SLCO4A1: variants seen among roughly 807,000 people sequenced by gnomAD.
SLCO4A1 encodes colon organic anion transporter.
In SLCO4A1, 51 loss-of-function variants were observed where a neutral mutation model predicts 64.6. That is an observed-to-expected ratio of 0.79 (90% CI 0.63 to 1.00). SLCO4A1 has a LOEUF of 1.00. SLCO4A1 is among the 50% of genes least tolerant of loss of function. The probability of loss-of-function intolerance (pLI) is 0.00; values close to 1 mark genes in which losing one functional copy is unlikely to be tolerated. For synonymous variants in SLCO4A1, 471 were observed against 444.9 expected (o/e 1.06, Z -0.74); for missense variants, 919 against 980.5 (o/e 0.94, Z 0.84).
chr20:62,690,039 G>C (rs1408504572), downstream of SLCO4A1, among the ~76,000 whole-genome samples: 4 of 152,158 alleles, frequency 2.6e-5, no homozygotes, highest in African/African-American at 9.7e-5. Context: ...CGCCTGCGCG[G>C]CAGGTGAACG....
chr20:62,656,582 C>G lies in SLCO4A1; in HGVS notation c.128C>G (p.Ser43Cys), dbSNP rs1437123681. The change falls in exon 2 of 12, where the codon TCC becomes TGC. Residue 43 changes from serine (S) to cysteine (C), a missense_variant. Ser to Cys is a moderately radical substitution (Grantham distance 112). Coordinates refer to ENST00000217159, the MANE Select transcript of SLCO4A1 (RefSeq NM_016354.4). The part of the protein sequence containing the change: ...ASPGTPLSPG[S>C]LRSAAHSPLD... Reference sequence around the variant, plus strand: ...CCGGGCACACCCCTGAGCCCCGGCTCCCTCCGCTCCGCTGCCCATAGCCCC... The same window carrying G: ...CCGGGCACACCCCTGAGCCCCGGCTGCCTCCGCTCCGCTGCCCATAGCCCC... 1 of 1,591,430 alleles carries G rather than the reference C, an allele frequency of 6.3e-7. No homozygotes were observed. Among genetic ancestry groups the G allele is most frequent in the Non-Finnish European group, 8.5e-7 (1 of 1,172,500 alleles).
intron 1 of SLCO4A1, chr20:62,643,186 A>G: frequency 2.9e-6 from 1 of 350,622 alleles, no homozygotes. Flanking sequence ...TCCCTGCCCC[A>G]CCACGCGACG....
chr20:62,665,287 C>T (rs2147095648), intron 6 of SLCO4A1, 199 bp downstream of exon 6: 2 of 581,464 alleles, frequency 3.4e-6, no homozygotes, highest in Middle Eastern at 4.5e-4. Context: ...GTGGTCCTGC[C>T]CTCTTTGTGG....
At chr20:62,682,444 CAT>C (rs1294391904) in intron 2 of SLCO4A1, among the ~76,000 whole-genome samples, 3 of 152,216 alleles carry the variant, frequency 2.0e-5, no homozygotes, top group African/African-American at 7.2e-5. Flanking sequence ...CATTTGGACA[CAT>C]GAGTGTGGAG....
chr20:62,660,432 G>A lies in SLCO4A1; in HGVS notation c.908G>A (p.Ser303Asn). Reference sequence around the variant, plus strand: ...CACAGGACGGAGCTGACCACCGAGAGCCCACTGTGGGTCGGCGCCTGGTGG... The same window carrying A: ...CACAGGACGGAGCTGACCACCGAGAACCCACTGTGGGTCGGCGCCTGGTGG... ...MGRRTELTTE[S>N]PLWVGAWWVG... Residue 303 changes from serine (S) to asparagine (N), a missense_variant, in exon 4 of 12, where the codon AGC becomes AAC. Ser to Asn is a conservative substitution (Grantham distance 46). Coordinates refer to ENST00000217159, the MANE Select transcript of SLCO4A1 (RefSeq NM_016354.4). 1.9e-6 allele frequency: 3 copies of A among 1,600,054 alleles called. No homozygotes were observed. Among genetic ancestry groups the A allele is most frequent in the South Asian group, 2.2e-5 (2 of 91,064 alleles).
downstream of SLCO4A1, among the ~76,000 whole-genome samples, chr20:62,687,279 T>C (rs1988099119): frequency 1.3e-5 from 2 of 151,086 alleles, no homozygotes; most frequent in Non-Finnish European, 2.9e-5. Flanking sequence ...GTTCCAAAGG[T>C]CCATGAAGTT....
In SLCO4A1 at chr20:62,655,366, G is replaced by C. The variant is rs112810029; in HGVS notation, c.-96-993G>C. On this transcript the variant is annotated intron_variant, in intron 1 of 11. Coordinates refer to ENST00000217159, the MANE Select transcript of SLCO4A1 (RefSeq NM_016354.4). ...GCCCCGGGAAGGACCCTCCCAGGGC[G>C]GGGGCGGCACAGGTGTTCCGCATCA... is the stretch of plus-strand genomic sequence containing the variant. 2.7e-3 allele frequency among the ~76,000 whole-genome samples: 396 copies of C among 149,322 alleles called. 10 individuals carry two copies. The highest frequency in any genetic ancestry group is 9.9e-3 in the African/African-American group (386 of 39,086).
At chr20:62,663,599 T>G (rs1985488926) in intron 5 of SLCO4A1, 1 of 152,236 alleles carries the variant, frequency 6.6e-6, no homozygotes, top group African/African-American at 2.4e-5. Context: ...AGGAACAGTC[T>G]CTGCCCCTGG....
Position 62,665,021 on chromosome 20 carries a change from C to T in SLCO4A1, c.1209C>T (p.Ser403=), listed in dbSNP as rs148452830. The part of the protein sequence containing the change: ...ATEATLITGM[S]TFSPKFLESQ... ...AGGCCACTCTCATCACCGGCATGTC[C>T]ACGTTCAGCCCCAAGTTCTTGGAGT... is the stretch of plus-strand genomic sequence containing the variant. Residue 403 remains serine (S), a synonymous_variant, in exon 6 of 12, where the codon TCC becomes TCT. Transcript: ENST00000217159. 1.9e-6 allele frequency: 3 copies of T among 1,613,866 alleles called. No homozygotes were observed. The highest frequency in any genetic ancestry group is 2.5e-6 in the Non-Finnish European group (3 of 1,179,946).
chr20:62,671,328 C>T (rs185374627), intron 11 of SLCO4A1, among the ~76,000 whole-genome samples: 541 of 152,308 alleles, frequency 3.6e-3, no homozygotes, highest in South Asian at 0.011. Context: ...TGGCCTTTCC[C>T]TCTGTCCCTG....
At position 62,642,506 on chromosome 20, in the gene SLCO4A1, G is replaced by T. The variant is rs145796842; in HGVS notation, c.-144G>T. On this transcript the variant is annotated 5_prime_UTR_variant, in exon 1 of 12. Transcript: ENST00000217159. ...GCGCGTGGCTGCCGGGGAGGCCAGA[G>T]CGTGGAGCGCTGCGCGGCGCGGCGG... 37 of 228,836 alleles carry T rather than the reference G, an allele frequency of 1.6e-4. 1 individual carries two copies. The highest frequency in any genetic ancestry group is 1.7e-3 in the Middle Eastern group (1 of 574). The allele number at this position is 228,836 out of a possible 1,614,324, so 14.2% of individuals were successfully genotyped here.
rs981531617 is a variant in SLCO4A1 at position 62,666,514 on chromosome 20, G to C, written c.1411G>C (p.Val471Leu). 1.9e-6 allele frequency: 3 copies of C among 1,613,310 alleles called. No homozygotes were observed. Among genetic ancestry groups the C allele is most frequent in the Non-Finnish European group, 2.5e-6 (3 of 1,179,992 alleles). ...CGTTGTCAGCCTGCTGGGCATCCTCGTCTTCTCACTGCACTGCCCCAGTGT... is the reference window on the plus strand; with the variant it reads ...CGTTGTCAGCCTGCTGGGCATCCTCCTCTTCTCACTGCACTGCCCCAGTGT... The part of the protein sequence containing the change: ...CTVVSLLGIL[V>L]FSLHCPSVPM... Residue 471 changes from valine to leucine, a missense_variant, in exon 7 of 12, where the codon GTC becomes CTC. By Grantham distance (32) the Val-to-Leu change is conservative (BLOSUM62 1). Transcript: ENST00000217159.
chr20:62,679,134 G>A (rs1410227316), intron 2 of SLCO4A1, among the ~76,000 whole-genome samples: 3 of 151,962 alleles, frequency 2.0e-5, no homozygotes, highest in African/African-American at 4.8e-5. Flanking sequence ...AAGCTGGGAG[G>A]CAAAGGCTGC....
At chr20:62,660,572 G>A in intron 4 of SLCO4A1, 39 bp downstream of exon 4, 1 of 1,599,774 alleles carries the variant, frequency 6.3e-7, no homozygotes, top group South Asian at 1.1e-5. Flanking sequence ...CACATTGGGA[G>A]ACTGTCCCTT....
intron 2 of SLCO4A1, among the ~76,000 whole-genome samples, chr20:62,682,071 G>A (rs1297457979): frequency 6.6e-6 from 1 of 152,190 alleles, no homozygotes; most frequent in Non-Finnish European, 1.5e-5. Flanking sequence ...TTTCAGGACC[G>A]CATGCCCGGG....
downstream of SLCO4A1, among the ~76,000 whole-genome samples, chr20:62,690,104 C>T (rs1988180951): frequency 6.6e-6 from 1 of 152,234 alleles, no homozygotes; most frequent in South Asian, 2.1e-4. Context: ...TCCCCAGCTG[C>T]ATGGTGCCTC....
intron 1 of SLCO4A1, chr20:62,648,932 T>C (rs1375389826): frequency 1.3e-5 from 2 of 152,296 alleles, no homozygotes; most frequent in East Asian, 3.8e-4. Context: ...GTTTCCCACA[T>C]AGCAGGCGTT....
intron 1 of SLCO4A1, among the ~76,000 whole-genome samples, chr20:62,646,090 C>T (rs1463644940): frequency 1.3e-5 from 2 of 152,130 alleles, no homozygotes; most frequent in Admixed American, 1.3e-4. Flanking sequence ...AGAACCTGCT[C>T]CCTGCAGCCT....
chr20:62,647,493 G>C (rs981871496), intron 1 of SLCO4A1, among the ~76,000 whole-genome samples: 5 of 152,258 alleles, frequency 3.3e-5, no homozygotes, highest in Non-Finnish European at 7.3e-5. Flanking sequence ...GCCGGGACTG[G>C]GACATCCCCT....
Sources: allele counts gnomAD v4.1 joint callset (sites outside exome capture counted in the v4.1 genomes callset), GRCh38; gene constraint gnomAD v4.1.1; transcripts MANE v1.5; gene names NCBI Gene and HGNC (gene_info 2026-07-23, HGNC 2026-07-21).